Variants in GNAL observed in about 807,000 individuals in gnomAD.
GNAL encodes G protein subunit alpha L.
Under a neutral mutation model 55.1 loss-of-function variants are expected in GNAL, and 18 were observed. The observed-to-expected ratio is 0.33, with a 90% confidence interval of 0.23 to 0.48. GNAL has a LOEUF of 0.48. Ranked by LOEUF, GNAL falls within the 20% of genes least tolerant of loss-of-function variation. The pLI, the probability that GNAL is intolerant of heterozygous loss-of-function variation, is 0.99. For missense variants in GNAL, 412 were observed against 614.1 expected, an observed-to-expected ratio of 0.67 and a Z score of 3.48; for synonymous variants, 253 against 237.0, an observed-to-expected ratio of 1.07 and a Z score of -0.62.
At chr18:11,701,451 C>T (rs775156913) in intron 1 of GNAL, among the ~76,000 whole-genome samples, 4 of 150,488 alleles carry the variant, frequency 2.7e-5, no homozygotes, top group South Asian at 2.1e-4. Context: ...ATTAGCCAGA[C>T]GTTGTGGCGG....
At chr18:11,775,409 T>G (rs1163730871) in intron 4 of GNAL, among the ~76,000 whole-genome samples, 3 of 152,270 alleles carry the variant, frequency 2.0e-5, no homozygotes. Flanking sequence ...TGATCTCACT[T>G]AATCCACACA....
At chr18:11,789,843 A>G (rs539243777) in intron 4 of GNAL, among the ~76,000 whole-genome samples, 75 of 152,274 alleles carry the variant, frequency 4.9e-4, no homozygotes, top group African/African-American at 1.7e-3. Context: ...CCTTGTTGTT[A>G]GTGTCAGTGT....
intron 4 of GNAL, among the ~76,000 whole-genome samples, chr18:11,778,650 C>T (rs555553234): frequency 6.6e-6 from 1 of 152,254 alleles, no homozygotes; most frequent in Admixed American, 6.5e-5. Flanking sequence ...TGAGAACCAA[C>T]AGAATTATGA....
chr18:11,720,182 A>G (rs2032062505), intron 1 of GNAL, among the ~76,000 whole-genome samples: 1 of 152,236 alleles, frequency 6.6e-6, no homozygotes, highest in Admixed American at 6.5e-5. Flanking sequence ...CTGTTTCTGT[A>G]GGATGAATAG....
intron 7 of GNAL, 43 bp from the exon 8 acceptor site, chr18:11,867,125 C>T: frequency 1.3e-6 from 2 of 1,495,724 alleles, no homozygotes; most frequent in Non-Finnish European, 1.9e-6. Context: ...GCCATTGTCC[C>T]CTGCTTCCCC....
At chr18:11,862,331 C>A in intron 5 of GNAL, 64 bp from the exon 6 acceptor site, 1 of 1,316,078 alleles carries the variant, frequency 7.6e-7, no homozygotes, top group Non-Finnish European at 1.1e-6. Flanking sequence ...CCATTAATTT[C>A]TCCCCAACCC....
chr18:11,742,652 C>T (rs2032603008), intron 1 of GNAL, among the ~76,000 whole-genome samples: 1 of 152,246 alleles, frequency 6.6e-6, no homozygotes, highest in Non-Finnish European at 1.5e-5. Flanking sequence ...TGGGCGATAG[C>T]AGTTCCCTTC....
intron 5 of GNAL, among the ~76,000 whole-genome samples, chr18:11,848,905 A>G (rs2035794613): frequency 6.6e-6 from 1 of 152,138 alleles, no homozygotes; most frequent in Non-Finnish European, 1.5e-5. Context: ...TGGATTCCCC[A>G]TTGCCTTATT....
chr18:11,694,698 C>T (rs1021358241), intron 1 of GNAL, among the ~76,000 whole-genome samples: 1 of 152,140 alleles, frequency 6.6e-6, no homozygotes, highest in Non-Finnish European at 1.5e-5. Context: ...AGATAACTCC[C>T]ATGGTCTTGA....
chr18:11,691,105 A>G (rs2090496823), intron 1 of GNAL, among the ~76,000 whole-genome samples: 1 of 150,572 alleles, frequency 6.6e-6, no homozygotes, highest in South Asian at 2.1e-4. Context: ...ATTTCTCCAC[A>G]TCCTCTCCAG....
At chr18:11,765,570 A>G (rs1380690422) in intron 4 of GNAL, among the ~76,000 whole-genome samples, 1 of 151,896 alleles carries the variant, frequency 6.6e-6, no homozygotes, top group Non-Finnish European at 1.5e-5. Context: ...CCACCTCCCC[A>G]CTATTCTTCC....
chr18:11,696,095 T>C (rs1484589117), intron 1 of GNAL, among the ~76,000 whole-genome samples: 2 of 152,206 alleles, frequency 1.3e-5, no homozygotes, highest in African/African-American at 4.8e-5. Context: ...GGCATATCCT[T>C]ATTAACTTGC....
At chr18:11,749,073 C>T (rs1279869021) in intron 1 of GNAL, among the ~76,000 whole-genome samples, 1 of 143,356 alleles carries the variant, frequency 7.0e-6, no homozygotes, top group African/African-American at 2.6e-5. Flanking sequence ...TTGCAGTGAG[C>T]TGAGATCATG....
At chr18:11,877,728 G>A (rs746210562) in intron 11 of GNAL, among the ~76,000 whole-genome samples, 3 of 151,170 alleles carry the variant, frequency 2.0e-5, no homozygotes, top group South Asian at 2.1e-4. Flanking sequence ...GCCTTTCCAC[G>A]GGGACCGGCA....
chr18:11,776,305 A>G (rs9675368), intron 4 of GNAL, among the ~76,000 whole-genome samples: 51,432 of 152,118 alleles, frequency 0.34, 10,733 homozygotes, highest in African/African-American at 0.6. Context: ...AGAGTTACAT[A>G]CTCTTCAGAA....
At chr18:11,855,811 A>AT (rs2035992947) in intron 5 of GNAL, among the ~76,000 whole-genome samples, 1 of 152,168 alleles carries the variant, frequency 6.6e-6, no homozygotes, top group South Asian at 2.1e-4. Flanking sequence ...CGTCTCTACT[A>AT]AAAATACAAA....
intron 4 of GNAL, among the ~76,000 whole-genome samples, chr18:11,795,567 G>T (rs1321600351): frequency 6.6e-6 from 1 of 152,178 alleles, no homozygotes; most frequent in African/African-American, 2.4e-5. Flanking sequence ...GGCGACAGAA[G>T]AGCAGATGTA....
chr18:11,839,502 A>G (rs2035566649), intron 5 of GNAL, among the ~76,000 whole-genome samples: 1 of 145,852 alleles, frequency 6.9e-6, no homozygotes, highest in South Asian at 2.2e-4. Flanking sequence ...GCAGTAAGCC[A>G]TGATCAAGTC....
At chr18:11,803,435 G>T (rs2034570559) in intron 4 of GNAL, among the ~76,000 whole-genome samples, 1 of 152,236 alleles carries the variant, frequency 6.6e-6, no homozygotes. Flanking sequence ...TCCATTGTGT[G>T]TCTAGACTGC....
Sources: gnomAD v4.1 joint callset for allele counts (sites outside exome capture counted in the v4.1 genomes callset) on GRCh38, gnomAD v4.1.1 for gene constraint, MANE v1.5 for transcripts, NCBI Gene and HGNC (gene_info 2026-07-23, HGNC 2026-07-21) for gene names.